DDX23: variants seen among roughly 807,000 people sequenced by gnomAD.
The protein encoded by DDX23 is DEAD-box helicase 23.
DDX23 carries 33 observed loss-of-function variants against 102.7 expected under a neutral mutation model. The ratio of observed to expected loss-of-function variants is 0.32; its 90% confidence interval spans 0.24 to 0.43. The LOEUF is 0.43. DDX23 is among the 20% of genes least tolerant of loss of function. The pLI, the probability that DDX23 is intolerant of heterozygous loss-of-function variation, is 1.00. For synonymous variants in DDX23, 352 were observed against 376.0 expected, an observed-to-expected ratio of 0.94 and a Z score of 0.74; for missense variants, 549 against 1,086.6, an observed-to-expected ratio of 0.51 and a Z score of 6.96.
chr12:48,845,732 C>G lies in DDX23; in HGVS notation c.51G>C (p.Lys17Asn). Residue 17 changes from lysine (K) to asparagine (N), a missense_variant, in exon 2 of 17, where the codon AAG becomes AAC. This residue lies in a region of DDX23 where 241 missense variants were observed against 267.0 expected (regional missense o/e 0.90). Coordinates refer to ENST00000308025, the MANE Select transcript of DDX23 (RefSeq NM_004818.3). ...DKKDRDASPS[K>N]EERKRSRTPD... is the part of the protein sequence containing the mutation. ...GAGTCCGTGATCGCTTCCTTTCCTC[C>G]TTGGAAGGTGATGCATCACGGTCCT... The G allele has an allele frequency of 6.2e-7, 1 of 1,614,184 alleles. No individual in the cohort carries two copies.
intron 7 of DDX23, 58 bp downstream of exon 7, chr12:48,837,464 CAA>C: frequency 6.2e-7 from 1 of 1,612,832 alleles, no homozygotes; most frequent in African/African-American, 1.3e-5. Context: ...TCACAATGGC[CAA>C]ATAACTAAAC....
chr12:48,841,706 G>A (rs1938554157), intron 3 of DDX23, among the ~76,000 whole-genome samples: 1 of 152,246 alleles, frequency 6.6e-6, no homozygotes, highest in South Asian at 2.1e-4. Context: ...CGAGTGATCC[G>A]CCAGCCTCGG....
chr12:48,837,103 A>C, intron 8 of DDX23, 66 bp from the exon 9 acceptor site: 1 of 1,602,860 alleles, frequency 6.2e-7, no homozygotes, highest in South Asian at 1.1e-5. Context: ...GGAAGGGCAG[A>C]CTACTAGTAT....
At chr12:48,843,530 A>G (rs1938607348) in intron 3 of DDX23, among the ~76,000 whole-genome samples, 1 of 150,148 alleles carries the variant, frequency 6.7e-6, no homozygotes, top group South Asian at 2.1e-4. Context: ...GTTAAGAGAA[A>G]TCTACTTTCT....
Position 48,838,618 on chromosome 12 carries a change from G to A in DDX23, c.481-538C>T, listed in dbSNP as rs183347874. Among the ~76,000 whole-genome samples, 396 of 151,706 alleles carry A rather than the reference G, an allele frequency of 2.6e-3. 2 individuals are homozygous for A. The highest frequency in any genetic ancestry group is 8.9e-3 in the African/African-American group (370 of 41,360). On this transcript the variant is annotated intron_variant, in intron 5 of 16. Transcript: ENST00000308025. Reference sequence around the variant, plus strand: ...TGTAATCCTAGCACTTTGGGAGGCCGAGATGGGCGGATCACGAGGTCAGGA... The same window carrying A: ...TGTAATCCTAGCACTTTGGGAGGCCAAGATGGGCGGATCACGAGGTCAGGA...
At position 48,838,330 on chromosome 12, in the gene DDX23, C is replaced by T. The variant is rs369486481; in HGVS notation, c.481-250G>A. ...TTTTATGAGACCTAGATGGGAGGAC[C>T]GCTTGAGGCCATGAGTTCAAGACCA... is the stretch of plus-strand genomic sequence containing the variant. On this transcript the variant is annotated intron_variant, in intron 5 of 16. Transcript: ENST00000308025. Among the ~76,000 whole-genome samples the T allele has an allele frequency of 6.6e-5, 10 of 152,072 alleles. No homozygotes were observed. The East Asian group carries it at 9.7e-4, about 15-fold the overall frequency.
In DDX23 at chr12:48,851,664, T is replaced by C. The variant is rs116072080; in HGVS notation, c.-1+420A>G. 2.6e-3 allele frequency among the ~76,000 whole-genome samples: 391 copies of C among 152,240 alleles called. 5 individuals are homozygous for C. The highest frequency in any genetic ancestry group is 8.9e-3 in the African/African-American group (368 of 41,536). The stretch of plus-strand genomic sequence containing the variant: ...TTTAAGTATAAGTAGAATTTTAAGA[T>C]ATGTAATTAAGGACGCGGAAAAGAA... On this transcript the variant is annotated intron_variant, in intron 1 of 16. Transcript: ENST00000308025.
At chr12:48,839,949 C>G in intron 4 of DDX23, 40 bp from the exon 5 acceptor site, 1 of 1,611,918 alleles carries the variant, frequency 6.2e-7, no homozygotes, top group Non-Finnish European at 8.5e-7. Context: ...AAGGCTCTCT[C>G]CCTTTAAAGA....
At chr12:48,839,695 T>C in intron 5 of DDX23, 149 bp downstream of exon 5, 1 of 707,260 alleles carries the variant, frequency 1.4e-6, no homozygotes, top group Non-Finnish European at 2.3e-6. Flanking sequence ...GAGAGAGACC[T>C]CAGAAGAAAT....
At chr12:48,837,243 G>C in intron 8 of DDX23, 38 bp downstream of exon 8, 1 of 1,599,428 alleles carries the variant, frequency 6.3e-7, no homozygotes, top group Non-Finnish European at 8.6e-7. Flanking sequence ...GGACTGCCTA[G>C]TGGAAAAGAC....
Position 48,829,837 on chromosome 12 carries a change from AGT to A in DDX23, c.*630_*631del, listed in dbSNP as rs1459759430. 1 of 228,736 alleles carries A rather than the reference AGT, an allele frequency of 4.4e-6. No individual in the cohort carries two copies. The highest frequency in any genetic ancestry group is 8.7e-6 in the Non-Finnish European group (1 of 114,834). 14.2% of individuals were successfully genotyped at this position (228,736 alleles called of 1,614,324 possible). ...AGAATAGAAAACAGAGATTTCACTCAGTGACAAAGATGGACACAGCCAGTTCA... is the reference window on the plus strand; with the variant it reads ...AGAATAGAAAACAGAGATTTCACTCAGACAAAGATGGACACAGCCAGTTCA... On this transcript the variant is annotated 3_prime_UTR_variant, in exon 17 of 17. Transcript: ENST00000308025.
intron 3 of DDX23, among the ~76,000 whole-genome samples, chr12:48,843,739 G>A (rs1038913211): frequency 3.1e-4 from 47 of 151,738 alleles, no homozygotes; most frequent in Admixed American, 1.7e-3. Context: ...TAGTAGAGAC[G>A]GGGTTTCACC....
At position 48,845,153 on chromosome 12, in the gene DDX23, T is replaced by TAA. The variant is rs1246768678; in HGVS notation, c.209+420_209+421insTT. On this transcript the variant is annotated intron_variant, in intron 2 of 16. Coordinates refer to ENST00000308025, the MANE Select transcript of DDX23 (RefSeq NM_004818.3). ...GGAAACAAGAGTGAAACTCCATCTTTTAAAAAAAAAAAAAAAAAGGCCAGG... is the reference window on the plus strand; with the variant it reads ...GGAAACAAGAGTGAAACTCCATCTTTAATAAAAAAAAAAAAAAAAAGGCCAGG... Among the ~76,000 whole-genome samples the TAA allele has an allele frequency of 9.5e-5, 10 of 105,204 alleles. 1 individual carries two copies. The highest frequency in any genetic ancestry group is 1.5e-4 in the Non-Finnish European group (8 of 55,078). The allele number at this position is 105,204 out of a possible 152,430, so 69.0% of individuals were successfully genotyped here. A position where few individuals can be genotyped will look rare whatever the true frequency, so the allele number is the denominator to read the frequency against.
At chr12:48,844,130 A>G (rs977008569) in intron 2 of DDX23, 80 bp from the exon 3 acceptor site, 1 of 1,264,020 alleles carries the variant, frequency 7.9e-7, no homozygotes, top group Non-Finnish European at 1.2e-6. Flanking sequence ...AAGTTCCTAT[A>G]CTCTCGTCCC....
chr12:48,842,835 G>C (rs902727054), intron 3 of DDX23, among the ~76,000 whole-genome samples: 5 of 152,252 alleles, frequency 3.3e-5, no homozygotes, highest in African/African-American at 4.8e-5. Flanking sequence ...TGATGACAGT[G>C]GCGGTTTTGT....
At chr12:48,852,005 A>G (rs1938769282) in intron 1 of DDX23, 79 bp downstream of exon 1, 1 of 152,324 alleles carries the variant, frequency 6.6e-6, no homozygotes. Context: ...CTCATCCAGG[A>G]GGCAGGGGCC....
chr12:48,831,022 C>A, intron 16 of DDX23, 120 bp downstream of exon 16: 1 of 1,199,060 alleles, frequency 8.3e-7, no homozygotes, highest in Non-Finnish European at 1.2e-6. Context: ...GCAAGCAATC[C>A]CAGACTTGGA....
chr12:48,835,164 C>T, intron 11 of DDX23: 1 of 263,760 alleles, frequency 3.8e-6, no homozygotes, highest in Non-Finnish European at 8.1e-6. Flanking sequence ...AGGATATGAG[C>T]CTGGGAGGCA....
chr12:48,845,921 C>T (rs903516304), intron 1 of DDX23, 139 bp from the exon 2 acceptor site: 3 of 962,166 alleles, frequency 3.1e-6, no homozygotes, highest in Non-Finnish European at 4.5e-6. Flanking sequence ...CGGTGGAGCT[C>T]AGGTATATAA....
Sources: gnomAD v4.1 joint callset for allele counts (sites outside exome capture counted in the v4.1 genomes callset) on GRCh38, gnomAD v4.1.1 for gene constraint, gnomAD v4.1.1 regional missense constraint, MANE v1.5 for transcripts, NCBI Gene and HGNC (gene_info 2026-07-23, HGNC 2026-07-21) for gene names.